Variants in PTPRD observed in about 807,000 individuals in gnomAD.
PTPRD encodes the protein protein tyrosine phosphatase receptor type D.
PTPRD carries 34 observed loss-of-function variants against 214.5 expected under a neutral mutation model. That is an observed-to-expected ratio of 0.16 (90% CI 0.12 to 0.21). The LOEUF is 0.21. Among genes scored for constraint, PTPRD ranks in the 10% least tolerant of loss-of-function variants. The pLI is 1.00. For missense variants in PTPRD, 2,545 were observed against 2,398.7 expected, an observed-to-expected ratio of 1.06 and a Z score of -1.27; for synonymous variants, 1,128 against 845.7, an observed-to-expected ratio of 1.33 and a Z score of -5.79.
intron 11 of PTPRD, among the ~76,000 whole-genome samples, chr9:8,897,480 A>G (rs1037504559): frequency 1.7e-4 from 26 of 152,192 alleles, no homozygotes; most frequent in African/African-American, 6.0e-4. Context: ...GTGTCTGGCT[A>G]AAAGCAGACA....
chr9:9,220,719 T>C (rs867097596), intron 9 of PTPRD, among the ~76,000 whole-genome samples: 5 of 152,202 alleles, frequency 3.3e-5, no homozygotes, highest in Middle Eastern at 3.4e-3. Context: ...TACTGTAAAA[T>C]GTAATTTGAC....
At chr9:9,864,271 A>C (rs1285962136) in intron 5 of PTPRD, among the ~76,000 whole-genome samples, 1 of 152,004 alleles carries the variant, frequency 6.6e-6, no homozygotes, top group Non-Finnish European at 1.5e-5. Flanking sequence ...GCGCCTCTGC[A>C]CTCCAGCCTG....
intron 2 of PTPRD, among the ~76,000 whole-genome samples, chr9:10,534,748 T>G (rs976540602): frequency 6.6e-6 from 1 of 152,170 alleles, no homozygotes; most frequent in Non-Finnish European, 1.5e-5. Context: ...TAATTTTCTA[T>G]TAATCATCTG....
rs1292893729 is a variant in PTPRD at position 8,546,967 on chromosome 9, C to T, written c.353-18188G>A. ...AAGTCCATGGCATGGACCGTATGCACGTTCCAACTATACTCCTAACATTAA... is the reference window on the plus strand; with the variant it reads ...AAGTCCATGGCATGGACCGTATGCATGTTCCAACTATACTCCTAACATTAA... On this transcript the variant is annotated intron_variant, in intron 14 of 45. Transcript: ENST00000381196. Among the ~76,000 whole-genome samples, 5 of 152,170 alleles carry T rather than the reference C, an allele frequency of 3.3e-5. No individual in the cohort carries two copies. The East Asian group carries it at 7.7e-4, about 23-fold the overall frequency.
chr9:10,168,292 A>G (rs1009483677), intron 3 of PTPRD, among the ~76,000 whole-genome samples: 14 of 152,250 alleles, frequency 9.2e-5, no homozygotes, highest in Non-Finnish European at 1.5e-4. Flanking sequence ...TGAAGTTTAT[A>G]TAGATCATGA....
chr9:8,884,457 T>C (rs2098470599), intron 11 of PTPRD, among the ~76,000 whole-genome samples: 1 of 152,164 alleles, frequency 6.6e-6, no homozygotes, highest in African/African-American at 2.4e-5. Context: ...ATCTAAATAA[T>C]TCAAGAGAAT....
chr9:10,309,522 CTTT>C (rs771490425), intron 3 of PTPRD, among the ~76,000 whole-genome samples: 3 of 83,170 alleles, frequency 3.6e-5, no homozygotes, highest in African/African-American at 5.7e-5. Flanking sequence ...CCAGCTATTT[CTTT>C]TTTTTTTTTT....
intron 12 of PTPRD, among the ~76,000 whole-genome samples, chr9:8,707,397 C>T (rs2098232728): frequency 6.6e-6 from 1 of 152,190 alleles, no homozygotes; most frequent in Non-Finnish European, 1.5e-5. Context: ...TTTTGGTCAG[C>T]CAGCTTCTGT....
At chr9:8,728,577 T>C (rs2098614642) in intron 12 of PTPRD, among the ~76,000 whole-genome samples, 1 of 152,262 alleles carries the variant, frequency 6.6e-6, no homozygotes, top group African/African-American at 2.4e-5. Context: ...TTTAATAATA[T>C]AAGAAAGTTA....
intron 6 of PTPRD, among the ~76,000 whole-genome samples, chr9:9,759,695 T>A (rs993675585): frequency 6.6e-6 from 1 of 151,772 alleles, no homozygotes; most frequent in Non-Finnish European, 1.5e-5. Context: ...GTAGCTGAGA[T>A]TACAGGTGCC....
At chr9:10,192,438 G>A (rs562635278) in intron 3 of PTPRD, among the ~76,000 whole-genome samples, 70 of 94,616 alleles carry the variant, frequency 7.4e-4, no homozygotes, top group African/African-American at 3.2e-3. Context: ...GCAAGGTCAC[G>A]ATCCAGGAAA....
intron 6 of PTPRD, among the ~76,000 whole-genome samples, chr9:9,741,892 C>T (rs562782423): frequency 4.6e-5 from 7 of 152,068 alleles, no homozygotes; most frequent in Non-Finnish European, 1.0e-4. Context: ...TCTTTGCTAT[C>T]GTGAACAGTG....
At chr9:9,005,402 T>A (rs2099457346) in intron 11 of PTPRD, among the ~76,000 whole-genome samples, 1 of 139,254 alleles carries the variant, frequency 7.2e-6, no homozygotes, top group African/African-American at 2.5e-5. Flanking sequence ...GCCTAATAAA[T>A]AATGACTGTT....
intron 2 of PTPRD, among the ~76,000 whole-genome samples, chr9:10,363,767 G>A: frequency 6.6e-6 from 1 of 151,964 alleles, no homozygotes; most frequent in South Asian, 2.1e-4. Flanking sequence ...CCCCTTATGG[G>A]TTTTTTTGCA....
At chr9:10,520,453 A>C (rs971943158) in intron 2 of PTPRD, among the ~76,000 whole-genome samples, 3 of 152,234 alleles carry the variant, frequency 2.0e-5, no homozygotes, top group Non-Finnish European at 4.4e-5. Context: ...TCTCCATAAC[A>C]TAAAAGTGCA....
intron 2 of PTPRD, among the ~76,000 whole-genome samples, chr9:10,343,112 T>A (rs1405856319): frequency 6.6e-6 from 1 of 152,146 alleles, no homozygotes; most frequent in Admixed American, 6.5e-5. Context: ...TTTCTCCTAA[T>A]GCTATCCCTC....
At chr9:10,027,478 C>G (rs1271068099) in intron 4 of PTPRD, among the ~76,000 whole-genome samples, 2 of 152,022 alleles carry the variant, frequency 1.3e-5, no homozygotes, top group East Asian at 1.9e-4. Flanking sequence ...AGTTTCTGTA[C>G]AAAAGTGCCA....
At chr9:9,781,811 T>TTC (rs1555056433) in intron 5 of PTPRD, among the ~76,000 whole-genome samples, 2 of 151,732 alleles carry the variant, frequency 1.3e-5, no homozygotes, top group Admixed American at 6.6e-5. Context: ...TTTTTTTTTT[T>TTC]AGACGGAGTC....
intron 3 of PTPRD, among the ~76,000 whole-genome samples, chr9:10,102,312 T>A (rs906863803): frequency 6.6e-6 from 1 of 151,618 alleles, no homozygotes; most frequent in Non-Finnish European, 1.5e-5. Context: ...GGTATTGAAT[T>A]TGATGAAACA....
Sources: allele counts gnomAD v4.1 joint callset (sites outside exome capture counted in the v4.1 genomes callset), GRCh38; gene constraint gnomAD v4.1.1; transcripts MANE v1.5; gene names NCBI Gene and HGNC (gene_info 2026-07-23, HGNC 2026-07-21).